Variants in CACNA2D3 observed in about 807,000 individuals in gnomAD.
CACNA2D3 encodes the protein voltage-dependent calcium channel subunit alpha-2/delta-3.
A neutral mutation model predicts 160.6 loss-of-function variants in CACNA2D3; 60 were observed. That is an observed-to-expected ratio of 0.37 (90% confidence interval 0.30 to 0.46). The LOEUF (loss-of-function observed/expected upper bound fraction) is 0.46, where lower values mean the gene tolerates loss of function less well. CACNA2D3 is among the 20% of genes least tolerant of loss of function. The pLI is 1.00. For synonymous variants in CACNA2D3, 558 were observed against 492.9 expected, an observed-to-expected ratio of 1.13 and a Z score of -1.75; for missense variants, 1,205 against 1,365.0, an observed-to-expected ratio of 0.88 and a Z score of 1.85.
At chr3:54,300,427 A>C (rs2107488966) in intron 2 of CACNA2D3, among the ~76,000 whole-genome samples, 1 of 152,330 alleles carries the variant, frequency 6.6e-6, no homozygotes, top group East Asian at 1.9e-4. Context: ...TAATTTACAA[A>C]GGATTATTTA....
intron 4 of CACNA2D3, among the ~76,000 whole-genome samples, chr3:54,444,786 T>C (rs1225177895): frequency 1.3e-5 from 2 of 152,186 alleles, no homozygotes; most frequent in Non-Finnish European, 2.9e-5. Flanking sequence ...AGCTTATGAG[T>C]CCTTACTCAG....
At chr3:54,627,981 C>T (rs1030441946) in intron 10 of CACNA2D3, 105 bp downstream of exon 10, 1 of 775,872 alleles carries the variant, frequency 1.3e-6, no homozygotes, top group Non-Finnish European at 2.2e-6. Context: ...ACCTTTAATC[C>T]CAGCCCTTTG....
chr3:54,303,858 A>G (rs1462045720), intron 2 of CACNA2D3, among the ~76,000 whole-genome samples: 4 of 125,268 alleles, frequency 3.2e-5, no homozygotes, highest in African/African-American at 1.2e-4. Flanking sequence ...AGTGCTGCTC[A>G]GCGGGAGGGA....
At chr3:54,628,156 C>T (rs374960708) in intron 10 of CACNA2D3, among the ~76,000 whole-genome samples, 13 of 152,052 alleles carry the variant, frequency 8.5e-5, no homozygotes, top group East Asian at 5.8e-4. Context: ...GGTGTTAACC[C>T]GGGAGGTGGA....
At chr3:54,359,480 C>T (rs996417322) in intron 3 of CACNA2D3, among the ~76,000 whole-genome samples, 7 of 152,144 alleles carry the variant, frequency 4.6e-5, no homozygotes, top group Non-Finnish European at 1.0e-4. Context: ...CCTAGGCTCA[C>T]GCTAGGAACT....
At chr3:54,362,806 A>G (rs566750965) in intron 3 of CACNA2D3, among the ~76,000 whole-genome samples, 26 of 152,350 alleles carry the variant, frequency 1.7e-4, no homozygotes, top group African/African-American at 6.3e-4. Context: ...GAACTCCCCA[A>G]AGTGTGGACC....
chr3:54,352,800 G>C (rs1465644028), intron 3 of CACNA2D3, among the ~76,000 whole-genome samples: 1 of 152,244 alleles, frequency 6.6e-6, no homozygotes, highest in East Asian at 1.9e-4. Context: ...GGATACAGTT[G>C]TGGTCATAAA....
At chr3:54,862,534 C>T in intron 17 of CACNA2D3, among the ~76,000 whole-genome samples, 1 of 152,258 alleles carries the variant, frequency 6.6e-6, no homozygotes, top group African/African-American at 2.4e-5. Context: ...TGCCTGCATC[C>T]CTTTATTAAC....
chr3:54,225,659 A>G (rs1701657270), intron 2 of CACNA2D3, among the ~76,000 whole-genome samples: 1 of 152,246 alleles, frequency 6.6e-6, no homozygotes. Flanking sequence ...TCTTACAGAC[A>G]ACAATTATTT....
chr3:54,562,824 A>G lies in CACNA2D3; in HGVS notation c.569A>G (p.Tyr190Cys). 1.2e-6 allele frequency: 2 copies of G among 1,612,554 alleles called. No homozygotes were observed. The highest frequency in any genetic ancestry group is 2.2e-5 in the South Asian group (2 of 91,052). Residue 190 changes from tyrosine (Y) to cysteine (C), a missense_variant, in exon 6 of 38, where the codon TAT becomes TGT. By Grantham distance (194) the Tyr-to-Cys change is radical (BLOSUM62 -2). Around this residue, in one of 3 missense-constraint regions of CACNA2D3, gnomAD observed 131 missense variants for 201.5 expected, o/e 0.65. Coordinates refer to ENST00000474759, the MANE Select transcript of CACNA2D3 (RefSeq NM_018398.3). ...NKDPAIVNGVYWSESLNKVFV... is the reference protein window; with the variant it reads ...NKDPAIVNGVCWSESLNKVFV... ...GACCCTGCAATTGTCAATGGGGTTT[A>G]TTGGTCTGAATCTCTAAACAAAGTT...
chr3:54,403,198 A>T (rs906974752), intron 4 of CACNA2D3, among the ~76,000 whole-genome samples: 2 of 151,856 alleles, frequency 1.3e-5, no homozygotes, highest in African/African-American at 4.8e-5. Flanking sequence ...TGCAAAAAAT[A>T]AAAAAAAGTA....
At chr3:54,205,230 C>G (rs1234324034) in intron 2 of CACNA2D3, among the ~76,000 whole-genome samples, 1 of 152,076 alleles carries the variant, frequency 6.6e-6, no homozygotes, top group Non-Finnish European at 1.5e-5. Flanking sequence ...ATGGGGAGGA[C>G]TCACCTAGTG....
chr3:54,622,312 T>G (rs1447050843), intron 9 of CACNA2D3, among the ~76,000 whole-genome samples: 2 of 152,158 alleles, frequency 1.3e-5, no homozygotes, highest in East Asian at 1.9e-4. Flanking sequence ...GTCTCGCTCT[T>G]TCGCCCAGGC....
rs148243032 is a variant in CACNA2D3, at chr3:54,864,485, G to C, written c.1627-7054G>C. ...GATGGGTTTTTGCCATGTTGGCCAG[G>C]CTGGTCTCAAACTCCAGACCTGCCT... is the stretch of plus-strand genomic sequence containing the variant. On this transcript the variant is annotated intron_variant, in intron 17 of 37. Coordinates refer to ENST00000474759, the MANE Select transcript of CACNA2D3 (RefSeq NM_018398.3). 6.7e-3 allele frequency among the ~76,000 whole-genome samples: 1,015 copies of C among 152,156 alleles called. 17 individuals are homozygous for C. Among genetic ancestry groups the C allele is most frequent in the African/African-American group, 0.023 (958 of 41,522 alleles).
At chr3:54,523,198 A>G (rs1701674118) in intron 5 of CACNA2D3, among the ~76,000 whole-genome samples, 1 of 152,188 alleles carries the variant, frequency 6.6e-6, no homozygotes, top group African/African-American at 2.4e-5. Context: ...TCCTCTATAA[A>G]GTTGAAGAAG....
chr3:54,484,764 CT>C (rs1700989956), intron 4 of CACNA2D3, among the ~76,000 whole-genome samples: 1 of 151,910 alleles, frequency 6.6e-6, no homozygotes, highest in African/African-American at 2.4e-5. Flanking sequence ...TTAAATTGGA[CT>C]TTGTGCAGAA....
intron 9 of CACNA2D3, among the ~76,000 whole-genome samples, chr3:54,586,128 G>A (rs1399933398): frequency 1.3e-5 from 2 of 152,018 alleles, no homozygotes; most frequent in East Asian, 3.9e-4. Flanking sequence ...GCTGGGCGTG[G>A]TGGCACATGC....
At chr3:54,635,443 G>A (rs1699349888) in intron 10 of CACNA2D3, among the ~76,000 whole-genome samples, 1 of 151,946 alleles carries the variant, frequency 6.6e-6, no homozygotes. Context: ...GCATGTATGA[G>A]TAGTTGAGAA....
intron 5 of CACNA2D3, among the ~76,000 whole-genome samples, chr3:54,521,705 T>C (rs7432845): frequency 0.62 from 94,035 of 152,000 alleles, 29,332 homozygotes; most frequent in Non-Finnish European, 0.65. Flanking sequence ...TTGTGCTCTA[T>C]TTGAGTTTTT....
Sources: allele counts gnomAD v4.1 joint callset (sites outside exome capture counted in the v4.1 genomes callset), GRCh38; gene constraint gnomAD v4.1.1; regional missense constraint gnomAD v4.1.1; transcripts MANE v1.5; gene names NCBI Gene and HGNC (gene_info 2026-07-23, HGNC 2026-07-21).